CHD7: variants seen among roughly 807,000 people sequenced by gnomAD.
CHD7 encodes the protein ATP-dependent chromatin remodeler CHD7.
Under a neutral mutation model 307.3 loss-of-function variants are expected in CHD7, and 24 were observed. The ratio of observed to expected loss-of-function variants is 0.08; its 90% CI spans 0.06 to 0.11. CHD7 has a LOEUF of 0.11. CHD7 is among the 10% of genes least tolerant of loss of function. The pLI, the probability that CHD7 is intolerant of heterozygous loss-of-function variation, is 1.00. For missense variants in CHD7, 3,106 were observed against 3,727.1 expected, an observed-to-expected ratio of 0.83 and a Z score of 4.34; for synonymous variants, 1,363 against 1,349.9, an observed-to-expected ratio of 1.01 and a Z score of -0.21.
Position 60,742,649 on chromosome 8 carries a change from C to G in CHD7, c.1217C>G (p.Ala406Gly). 2.5e-6 allele frequency: 4 copies of G among 1,610,806 alleles called. No individual in the cohort carries two copies. Among genetic ancestry groups the G allele is most frequent in the Non-Finnish European group, 3.4e-6 (4 of 1,177,704 alleles). ...MSPMKAMSNP[A>G]GTPPPQVRPG... The stretch of plus-strand genomic sequence containing the variant: ...CCCATGAAAGCAATGAGTAATCCAG[C>G]AGGCACTCCTCCTCCACAAGTCAGG... Residue 406 changes from alanine to glycine, a missense_variant, in exon 2 of 38, where the codon GCA becomes GGA. By Grantham distance (60) the Ala-to-Gly change is moderately conservative. Around this residue, in one of 10 missense-constraint regions of CHD7, gnomAD observed 998 missense variants for 1,004.5 expected, o/e 0.99. Coordinates refer to ENST00000423902, the MANE Select transcript of CHD7 (RefSeq NM_017780.4).
rs1301667812 is a variant in CHD7, at chr8:60,781,344, C to G, written c.2010C>G (p.Thr670=). Residue 670 remains threonine, a synonymous_variant, in exon 3 of 38, where the codon ACC becomes ACG. Transcript: ENST00000423902. ...AAAAAGAGCCCAAGGAACCCAAGACCCCGAAAGCCCCTAAGATTCCCAAAG... is the reference window on the plus strand; with the variant it reads ...AAAAAGAGCCCAAGGAACCCAAGACGCCGAAAGCCCCTAAGATTCCCAAAG... ...KEKKEPKEPK[T]PKAPKIPKEP... 6.4e-7 allele frequency: 1 copy of G among 1,567,490 alleles called. No individual in the cohort carries two copies. Among genetic ancestry groups the G allele is most frequent in the East Asian group, 2.3e-5 (1 of 42,570 alleles).
intron 2 of CHD7, among the ~76,000 whole-genome samples, chr8:60,756,732 T>C (rs1055618350): frequency 6.6e-6 from 1 of 152,106 alleles, no homozygotes. Context: ...CACACACATT[T>C]AAAATGGATG....
chr8:60,829,554 T>C (rs1367213731), intron 14 of CHD7, among the ~76,000 whole-genome samples: 1 of 152,062 alleles, frequency 6.6e-6, no homozygotes. Context: ...TGAGCCAAGA[T>C]TGCACCACTG....
At chr8:60,738,016 C>G (rs943192487) in intron 1 of CHD7, among the ~76,000 whole-genome samples, 1 of 152,214 alleles carries the variant, frequency 6.6e-6, no homozygotes, top group East Asian at 1.9e-4. Flanking sequence ...TTATGTAACA[C>G]CAAATAAAAC....
At chr8:60,833,478 G>A (rs1397208264) in intron 15 of CHD7, among the ~76,000 whole-genome samples, 2 of 152,338 alleles carry the variant, frequency 1.3e-5, no homozygotes, top group African/African-American at 2.4e-5. Context: ...TGAGGCTTAC[G>A]TGATGGAGTG....
chr8:60,827,257 AAAAAG>A lies in CHD7; in HGVS notation c.3379-1402_3379-1398del, dbSNP rs569406172. 5.8e-3 allele frequency among the ~76,000 whole-genome samples: 884 copies of A among 152,274 alleles called. 13 individuals carry two copies. Among genetic ancestry groups the A allele is most frequent in the African/African-American group, 0.02 (827 of 41,556 alleles). Reference sequence around the variant, plus strand: ...AAAACTTAAAGTATAATAAAAAAAAAAAAAGAAAGGAGTTCTTTCCTTTTTTCGAA... The same window carrying A: ...AAAACTTAAAGTATAATAAAAAAAAAAAAGGAGTTCTTTCCTTTTTTCGAA... On this transcript the variant is annotated intron_variant, in intron 13 of 37. Coordinates refer to ENST00000423902, the MANE Select transcript of CHD7 (RefSeq NM_017780.4).
intron 31 of CHD7, 73 bp from the exon 32 acceptor site, chr8:60,854,290 A>T: frequency 2.2e-6 from 3 of 1,361,392 alleles, no homozygotes; most frequent in Non-Finnish European, 3.1e-6. Flanking sequence ...TCACATTTTT[A>T]ATCATGTCCT....
At chr8:60,861,851 A>G in intron 35 of CHD7, 1 of 178,062 alleles carries the variant, frequency 5.6e-6, no homozygotes, top group South Asian at 1.3e-4. Context: ...ATGGGGTATC[A>G]TCTCTGTGTT....
chr8:60,838,620 T>TA (rs1023182236), intron 19 of CHD7, among the ~76,000 whole-genome samples: 18 of 152,224 alleles, frequency 1.2e-4, no homozygotes, highest in African/African-American at 4.3e-4. Flanking sequence ...GTCACTCCTT[T>TA]AAAAACACCT....
chr8:60,749,797 TAAAGC>T (rs1809539643), intron 2 of CHD7, among the ~76,000 whole-genome samples: 1 of 152,242 alleles, frequency 6.6e-6, no homozygotes, highest in Non-Finnish European at 1.5e-5. Flanking sequence ...CATCTTTAGT[TAAAGC>T]AAACCATCCA....
At chr8:60,705,842 A>T (rs1806998609) in intron 1 of CHD7, among the ~76,000 whole-genome samples, 1 of 152,236 alleles carries the variant, frequency 6.6e-6, no homozygotes, top group African/African-American at 2.4e-5. Context: ...GATTAACATT[A>T]TATAATAGAA....
chr8:60,720,690 A>AGTCTCAGGAAGACAGCC (rs1417608350), intron 1 of CHD7, among the ~76,000 whole-genome samples: 2 of 152,210 alleles, frequency 1.3e-5, no homozygotes, highest in African/African-American at 2.4e-5. Context: ...CTCTGAAAGC[A>AGTCTCAGGAAGACAGCC]GTCTCAGGGA....
chr8:60,701,942 A>C (rs1396425742), intron 1 of CHD7, among the ~76,000 whole-genome samples: 1 of 152,244 alleles, frequency 6.6e-6, no homozygotes. Flanking sequence ...CTGCAGAGTC[A>C]TGAGGAGTGG....
chr8:60,761,752 T>G (rs2150622175), intron 2 of CHD7, among the ~76,000 whole-genome samples: 1 of 152,178 alleles, frequency 6.6e-6, no homozygotes, highest in South Asian at 2.1e-4. Context: ...TAAGTGAATG[T>G]TTTTTGGAGT....
intron 1 of CHD7, among the ~76,000 whole-genome samples, chr8:60,714,252 T>G (rs1807445208): frequency 1.3e-5 from 2 of 152,054 alleles, no homozygotes; most frequent in East Asian, 1.9e-4. Context: ...AAGGCCCTCA[T>G]AAGGCCCTCG....
At position 60,699,231 on chromosome 8, in the gene CHD7, A is replaced by G. The variant is rs543205912; in HGVS notation, c.-175+20149A>G. ...TGGTCAGAGTTTTCTAGATTTTCCCATGTGTCATGTGGTTAAATATGTAGT... is the reference window on the plus strand; with the variant it reads ...TGGTCAGAGTTTTCTAGATTTTCCCGTGTGTCATGTGGTTAAATATGTAGT... On this transcript the variant is annotated intron_variant, in intron 1 of 37. Transcript: ENST00000423902. Among the ~76,000 whole-genome samples the G allele has an allele frequency of 4.6e-4, 70 of 152,266 alleles. 1 individual carries two copies. In the South Asian group the frequency reaches 0.014, roughly 30 times the overall value.
Position 60,781,207 on chromosome 8 carries a change from G to A in CHD7, c.1873G>A (p.Asp625Asn). Reference protein sequence around the residue: ...FGKDDFPGGVDNQELNRNSLD... With the variant: ...FGKDDFPGGVNNQELNRNSLD... ...TAAAGATGACTTCCCTGGTGGGGTA[G>A]ATAACCAAGAACTAAATAGGAACTC... is the stretch of plus-strand genomic sequence containing the variant. Residue 625 changes from aspartate to asparagine, a missense_variant, in exon 3 of 38, where the codon GAT becomes AAT. Coordinates refer to ENST00000423902, the MANE Select transcript of CHD7 (RefSeq NM_017780.4). 6.3e-7 allele frequency: 1 copy of A among 1,597,946 alleles called. No individual in the cohort carries two copies.
intron 3 of CHD7, among the ~76,000 whole-genome samples, chr8:60,794,046 C>G (rs191627633): frequency 6.6e-6 from 1 of 151,910 alleles, no homozygotes; most frequent in Non-Finnish European, 1.5e-5. Context: ...CGCTTGGACC[C>G]GGGAGGCGGA....
chr8:60,801,793 A>C (rs1279705612), intron 6 of CHD7, among the ~76,000 whole-genome samples, 200 bp downstream of exon 6: 2 of 152,234 alleles, frequency 1.3e-5, no homozygotes, highest in Non-Finnish European at 2.9e-5. Flanking sequence ...TCAAGCAGTC[A>C]GTGCTTTATT....
Sources: allele counts gnomAD v4.1 joint callset (sites outside exome capture counted in the v4.1 genomes callset), GRCh38; gene constraint gnomAD v4.1.1; regional missense constraint gnomAD v4.1.1; transcripts MANE v1.5; gene names NCBI Gene and HGNC (gene_info 2026-07-23, HGNC 2026-07-21).